The following HEPHL1 variants were observed in gnomAD, a reference collection of about 807,000 sequenced individuals.
The protein encoded by HEPHL1 is hephaestin like 1, also known as ferroxidase HEPHL1.
Under a neutral mutation model 122.0 loss-of-function variants are expected in HEPHL1, and 123 were observed. The ratio of observed to expected loss-of-function variants is 1.01; its 90% CI spans 0.87 to 1.17. The LOEUF is 1.17. Ranked by LOEUF, HEPHL1 falls within the 50% of genes most tolerant of loss-of-function variation. HEPHL1 has a pLI of 0.00. For missense variants in HEPHL1, 1,452 were observed against 1,430.5 expected (o/e 1.01, Z -0.24); for synonymous variants, 527 against 508.9 (o/e 1.04, Z -0.48).
chr11:94,077,642 C>T (rs1348589721), intron 9 of HEPHL1, among the ~76,000 whole-genome samples: 1 of 152,218 alleles, frequency 6.6e-6, no homozygotes, highest in African/African-American at 2.4e-5. Flanking sequence ...TTCTAAAGTG[C>T]AAATGAGATC....
At chr11:94,105,857 TA>T in intron 16 of HEPHL1, 133 bp from the exon 17 acceptor site, 1 of 529,004 alleles carries the variant, frequency 1.9e-6, no homozygotes, top group South Asian at 4.5e-5. Context: ...AGGACACTGC[TA>T]GGGGTGAGTG....
At chr11:94,049,707 T>C (rs1945874070) in intron 2 of HEPHL1, among the ~76,000 whole-genome samples, 1 of 152,114 alleles carries the variant, frequency 6.6e-6, no homozygotes, top group Non-Finnish European at 1.5e-5. Context: ...TACTTATCCT[T>C]GGACCAATGC....
Position 94,104,521 on chromosome 11 carries a change from C to T in HEPHL1, c.2683-7C>T, listed in dbSNP as rs566506672. 1 of 1,585,794 alleles carries T rather than the reference C, an allele frequency of 6.3e-7. No individual in the cohort carries two copies. The highest frequency in any genetic ancestry group is 2.2e-5 in the East Asian group (1 of 44,688). ...GCTCTTTTAACTCAGTTTATTTTTT[C>T]TTCCAGGATACGTATAGTGGTTTGA... On this transcript the variant is annotated splice_region_variant and splice_polypyrimidine_tract_variant and intron_variant, in intron 15 of 19. Coordinates refer to ENST00000315765, the MANE Select transcript of HEPHL1 (RefSeq NM_001098672.2).
At chr11:94,059,641 T>G (rs1473082714) in intron 2 of HEPHL1, among the ~76,000 whole-genome samples, 2 of 152,312 alleles carry the variant, frequency 1.3e-5, no homozygotes, top group Admixed American at 6.5e-5. Context: ...TAATAAATTC[T>G]TTTGAAAATG....
At chr11:94,089,928 T>A (rs1377953458) in intron 12 of HEPHL1, among the ~76,000 whole-genome samples, 1 of 152,010 alleles carries the variant, frequency 6.6e-6, no homozygotes, top group Non-Finnish European at 1.5e-5. Flanking sequence ...CCACCTACCC[T>A]CGCCCCCTGC....
chr11:94,068,747 G>A lies in HEPHL1; in HGVS notation c.1063+997G>A, dbSNP rs79940302. Reference sequence around the variant, plus strand: ...CTGACCACTGGATGCTAGTTAAGAAGCATTTGACAGTGTTAGAGGTCTAAC... The same window carrying A: ...CTGACCACTGGATGCTAGTTAAGAAACATTTGACAGTGTTAGAGGTCTAAC... On this transcript the variant is annotated intron_variant, in intron 5 of 19. Transcript: ENST00000315765. Among the ~76,000 whole-genome samples, 1,140 of 152,256 alleles carry A rather than the reference G, an allele frequency of 7.5e-3. 15 individuals are homozygous for A. The highest frequency in any genetic ancestry group is 0.026 in the African/African-American group (1,070 of 41,548).
At chr11:94,091,392 G>T (rs1946263047) in intron 12 of HEPHL1, among the ~76,000 whole-genome samples, 1 of 152,202 alleles carries the variant, frequency 6.6e-6, no homozygotes, top group Admixed American at 6.5e-5. Flanking sequence ...GGAAACGGTG[G>T]AATGTGGCTA....
chr11:94,063,153 C>G (rs1247324161), intron 2 of HEPHL1, among the ~76,000 whole-genome samples: 1 of 152,154 alleles, frequency 6.6e-6, no homozygotes, highest in Non-Finnish European at 1.5e-5. Flanking sequence ...CTTCTCCTTC[C>G]CTTCTTGAGT....
chr11:94,049,397 G>A lies in HEPHL1; in HGVS notation c.415+3480G>A, dbSNP rs370845247. On this transcript the variant is annotated intron_variant, in intron 2 of 19. Coordinates refer to ENST00000315765, the MANE Select transcript of HEPHL1 (RefSeq NM_001098672.2). ...AAGAGAATACTTATACACTCTTGGT[G>A]GCAATGTAAATTAGTACAGCCACTA... Among the ~76,000 whole-genome samples, 6 of 151,926 alleles carry A rather than the reference G, an allele frequency of 3.9e-5. No individual in the cohort carries two copies. The East Asian group carries it at 7.7e-4, about 20-fold the overall frequency.
intron 5 of HEPHL1, among the ~76,000 whole-genome samples, chr11:94,068,015 ATAGT>A (rs1466829544): frequency 6.6e-6 from 1 of 152,226 alleles, no homozygotes; most frequent in Admixed American, 6.5e-5. Context: ...GTTGTTAGAC[ATAGT>A]TAGACATTCA....
chr11:94,098,708 G>A (rs554021474), intron 13 of HEPHL1, among the ~76,000 whole-genome samples: 67 of 152,162 alleles, frequency 4.4e-4, no homozygotes, highest in Middle Eastern at 6.8e-3. Context: ...GGCTTTGTTC[G>A]TTTCTTTTTA....
At position 94,045,811 on chromosome 11, in the gene HEPHL1, C is replaced by G. The variant is rs749046975; in HGVS notation, c.309C>G (p.Ile103Met). 2.5e-6 allele frequency: 4 copies of G among 1,613,960 alleles called. No individual in the cohort carries two copies. In the South Asian group the frequency reaches 3.3e-5, roughly 13 times the overall value. Residue 103 changes from isoleucine (I) to methionine (M), a missense_variant, in exon 2 of 20, where the codon ATC becomes ATG. By Grantham distance (10) the Ile-to-Met change is conservative (BLOSUM62 1). Coordinates refer to ENST00000315765, the MANE Select transcript of HEPHL1 (RefSeq NM_001098672.2). ...KPPWLGFLGPILRAEVGDVIV... is the reference protein window; with the variant it reads ...KPPWLGFLGPMLRAEVGDVIV... ...CCTGGCTTGGATTCCTGGGCCCCAT[C>G]TTGAGGGCCGAAGTGGGTGATGTGA...
chr11:94,067,175 A>G (rs766838421), intron 4 of HEPHL1, among the ~76,000 whole-genome samples: 2 of 152,170 alleles, frequency 1.3e-5, no homozygotes, highest in Non-Finnish European at 2.9e-5. Context: ...ACAGAAGGTG[A>G]CTGAGCCTCC....
chr11:94,049,155 A>T (rs538151710), intron 2 of HEPHL1, among the ~76,000 whole-genome samples: 1 of 151,944 alleles, frequency 6.6e-6, no homozygotes, highest in East Asian at 1.9e-4. Flanking sequence ...AAAAACAAAA[A>T]CAAACCACAC....
At chr11:94,033,635 G>C (rs1945694914) in intron 1 of HEPHL1, among the ~76,000 whole-genome samples, 1 of 152,192 alleles carries the variant, frequency 6.6e-6, no homozygotes, top group South Asian at 2.1e-4. Flanking sequence ...TGGACCTAGA[G>C]GGTATTCAAA....
At position 94,114,157 on chromosome 11, in the gene HEPHL1, G is replaced by A. The variant is rs7116300; in HGVS notation, c.*2263G>A. Among the ~76,000 whole-genome samples the A allele has an allele frequency of 0.51, 78,112 of 152,014 alleles. 20,553 individuals are homozygous for A. Among genetic ancestry groups the A allele is most frequent in the Admixed American group, 0.59 (8,975 of 15,290 alleles). On this transcript the variant is annotated 3_prime_UTR_variant, in exon 20 of 20. Coordinates refer to ENST00000315765, the MANE Select transcript of HEPHL1 (RefSeq NM_001098672.2). ...TTCTATGAAACCATCAGCAATGTCC[G>A]CCATTAAAAACAGAAAGCAATGTGC...
At chr11:94,091,517 T>G (rs532216434) in intron 12 of HEPHL1, among the ~76,000 whole-genome samples, 1 of 152,270 alleles carries the variant, frequency 6.6e-6, no homozygotes, top group Non-Finnish European at 1.5e-5. Flanking sequence ...ATACATGCAT[T>G]TATTAAATAC....
In HEPHL1 at chr11:94,021,396, A is replaced by T; in HGVS notation, c.28A>T (p.Ile10Phe). MPRKQPAGC[I>F]FLLTFLGLSG... The stretch of plus-strand genomic sequence containing the variant: ...GCCTCGGAAGCAGCCAGCTGGCTGC[A>T]TCTTTCTCCTCACATTCCTGGGTCT... The change falls in exon 1 of 20, where the codon ATC (isoleucine) becomes TTC (phenylalanine). Residue 10 changes from isoleucine to phenylalanine, a missense_variant. Transcript: ENST00000315765. 1.2e-6 allele frequency: 2 copies of T among 1,613,378 alleles called. No homozygotes were observed. The highest frequency in any genetic ancestry group is 1.7e-6 in the Non-Finnish European group (2 of 1,179,616).
chr11:94,027,799 A>G (rs1945639398), intron 1 of HEPHL1, among the ~76,000 whole-genome samples: 1 of 152,194 alleles, frequency 6.6e-6, no homozygotes. Context: ...AAAAGGAAGG[A>G]CCCAAGACAT....
Sources: gnomAD v4.1 joint callset for allele counts (sites outside exome capture counted in the v4.1 genomes callset) on GRCh38, gnomAD v4.1.1 for gene constraint, MANE v1.5 for transcripts, NCBI Gene and HGNC (gene_info 2026-07-23, HGNC 2026-07-21) for gene names.